The following CHRNA7 variants were observed in gnomAD, a reference collection of about 807,000 sequenced individuals.
The protein encoded by CHRNA7 is neuronal acetylcholine receptor subunit alpha-7.
CHRNA7 carries 17 observed loss-of-function variants against 48.0 expected under a neutral mutation model. The ratio of observed to expected loss-of-function variants is 0.35; its 90% CI spans 0.24 to 0.53. CHRNA7 has a LOEUF of 0.53. Ranked by LOEUF, CHRNA7 falls within the 20% of genes least tolerant of loss-of-function variation. CHRNA7 has a pLI of 0.92. For missense variants in CHRNA7, 155 were observed against 577.7 expected, an observed-to-expected ratio of 0.27 and a Z score of 7.50; for synonymous variants, 75 against 242.3, an observed-to-expected ratio of 0.31 and a Z score of 6.41.
chr15:32,135,258 C>A (rs1347336553), intron 4 of CHRNA7, among the ~76,000 whole-genome samples: 2 of 152,134 alleles, frequency 1.3e-5, no homozygotes, highest in African/African-American at 4.8e-5. Flanking sequence ...AGATTATTTT[C>A]AGAAAACAGG....
intron 4 of CHRNA7, among the ~76,000 whole-genome samples, chr15:32,118,607 T>C (rs969765970): frequency 5.9e-5 from 9 of 152,262 alleles, no homozygotes; most frequent in African/African-American, 2.2e-4. Context: ...CTCTCCCAGG[T>C]CTCATCATGG....
intron 2 of CHRNA7, among the ~76,000 whole-genome samples, chr15:32,058,278 C>G (rs1029915659): frequency 2.6e-5 from 4 of 152,330 alleles, no homozygotes; most frequent in African/African-American, 9.6e-5. Context: ...TGGTCCAAGA[C>G]AATCCTTTGA....
At chr15:32,125,502 G>A (rs1408941844) in intron 4 of CHRNA7, among the ~76,000 whole-genome samples, 2 of 151,894 alleles carry the variant, frequency 1.3e-5, no homozygotes, top group Admixed American at 6.6e-5. Flanking sequence ...CTGTGCCCGG[G>A]CTGCCTAGTA....
chr15:32,083,119 A>G (rs1423684594), intron 2 of CHRNA7, among the ~76,000 whole-genome samples: 1 of 152,194 alleles, frequency 6.6e-6, no homozygotes, highest in Non-Finnish European at 1.5e-5. Flanking sequence ...GTGTCCCCCA[A>G]AGTTCATATG....
At chr15:32,141,607 G>A (rs1294514557) in intron 4 of CHRNA7, among the ~76,000 whole-genome samples, 1 of 152,132 alleles carries the variant, frequency 6.6e-6, no homozygotes, top group Non-Finnish European at 1.5e-5. Flanking sequence ...TTGAGCAGTG[G>A]TTTGTAGTTC....
intron 3 of CHRNA7, among the ~76,000 whole-genome samples, chr15:32,105,057 T>A (rs1037096910): frequency 1.3e-5 from 2 of 152,218 alleles, no homozygotes; most frequent in Non-Finnish European, 2.9e-5. Context: ...ATTCAGATGC[T>A]CCACAAATAA....
At chr15:32,047,365 TCTC>T (rs2049571047) in intron 2 of CHRNA7, among the ~76,000 whole-genome samples, 1 of 150,772 alleles carries the variant, frequency 6.6e-6, no homozygotes, top group African/African-American at 2.5e-5. Flanking sequence ...GGTTTGTAGT[TCTC>T]CTTGAAGAGG....
chr15:32,135,924 C>A (rs142089145), intron 4 of CHRNA7, among the ~76,000 whole-genome samples: 4 of 152,136 alleles, frequency 2.6e-5, no homozygotes, highest in African/African-American at 9.7e-5. Context: ...ACGAAAATAA[C>A]GTCTTTTAAG....
At chr15:32,123,964 C>CCA (rs2051019638) in intron 4 of CHRNA7, among the ~76,000 whole-genome samples, 1 of 47,166 alleles carries the variant, frequency 2.1e-5, no homozygotes, top group South Asian at 7.3e-4. Context: ...AAAATCTGGC[C>CCA]AAAAAAAAAA....
intron 4 of CHRNA7, among the ~76,000 whole-genome samples, chr15:32,145,918 T>C (rs2051479627): frequency 6.6e-6 from 1 of 152,182 alleles, no homozygotes; most frequent in Non-Finnish European, 1.5e-5. Context: ...TTGCCCTCCG[T>C]GGGTTGCACC....
intron 2 of CHRNA7, among the ~76,000 whole-genome samples, chr15:32,040,202 T>C (rs564664117): frequency 6.6e-6 from 1 of 152,220 alleles, no homozygotes; most frequent in South Asian, 2.1e-4. Flanking sequence ...TGTTCTACTC[T>C]TACAGTCTCT....
chr15:32,119,389 A>T (rs1184390152), intron 4 of CHRNA7, among the ~76,000 whole-genome samples: 1 of 152,250 alleles, frequency 6.6e-6, no homozygotes, highest in Non-Finnish European at 1.5e-5. Context: ...TTATCTTTTA[A>T]AAAATCCATC....
Position 32,150,377 on chromosome 15 carries a change from G to GTT in CHRNA7, c.351-3529_351-3528dup, listed in dbSNP as rs534107235. 9.5e-3 allele frequency among the ~76,000 whole-genome samples: 1,446 copies of GTT among 152,306 alleles called. 15 individuals are homozygous for GTT. The highest frequency in any genetic ancestry group is 0.033 in the African/African-American group (1,372 of 41,556). ...CCAGACTATAGACCATGCTTTCTAT[G>GTT]TTGCTGCTACTGAGGGTGATTGATG... is the stretch of plus-strand genomic sequence containing the variant. On this transcript the variant is annotated intron_variant, in intron 4 of 9. Transcript: ENST00000306901.
intron 2 of CHRNA7, among the ~76,000 whole-genome samples, chr15:32,058,564 A>G (rs2049825144): frequency 6.6e-6 from 1 of 152,194 alleles, no homozygotes. Context: ...ACTTAGTGTT[A>G]GAGTGCTCGA....
intron 4 of CHRNA7, among the ~76,000 whole-genome samples, chr15:32,137,043 A>AT (rs2051279195): frequency 6.8e-6 from 1 of 147,938 alleles, no homozygotes; most frequent in Non-Finnish European, 1.5e-5. Context: ...AAAAAAAAAA[A>AT]AAAGAAAAAA....
chr15:32,074,496 A>G (rs1465053183), intron 2 of CHRNA7, among the ~76,000 whole-genome samples: 1 of 151,290 alleles, frequency 6.6e-6, no homozygotes, highest in Non-Finnish European at 1.5e-5. Context: ...ATATAACTGT[A>G]GCTATAACTG....
At chr15:32,111,994 T>C in intron 4 of CHRNA7, 95 bp downstream of exon 4, 1 of 844,910 alleles carries the variant, frequency 1.2e-6, no homozygotes, top group Admixed American at 1.8e-5. Context: ...GCTGGATATG[T>C]TATCTATGAT....
intron 2 of CHRNA7, among the ~76,000 whole-genome samples, chr15:32,098,109 C>G (rs1447586248): frequency 6.6e-6 from 1 of 152,184 alleles, no homozygotes; most frequent in Admixed American, 6.5e-5. Flanking sequence ...GCCACCATCC[C>G]CAGGTCTCCC....
At chr15:32,095,805 G>A (rs1005924803) in intron 2 of CHRNA7, among the ~76,000 whole-genome samples, 1 of 152,188 alleles carries the variant, frequency 6.6e-6, no homozygotes, top group Non-Finnish European at 1.5e-5. Context: ...AATTACCAAA[G>A]GGAATTATTT....
Sources: allele counts gnomAD v4.1 joint callset (sites outside exome capture counted in the v4.1 genomes callset), GRCh38; gene constraint gnomAD v4.1.1; transcripts MANE v1.5; gene names NCBI Gene and HGNC (gene_info 2026-07-23, HGNC 2026-07-21).